CEP152: variants seen among roughly 807,000 people sequenced by gnomAD.
CEP152 encodes the protein centrosomal protein of 152 kDa.
In CEP152, 132 loss-of-function variants were observed where a neutral mutation model predicts 188.9. That is an observed-to-expected ratio of 0.70 (90% CI 0.61 to 0.81). CEP152 has a LOEUF of 0.81. Among genes scored for constraint, CEP152 ranks in the 30% least tolerant of loss-of-function variants. The pLI, the probability that CEP152 is intolerant of heterozygous loss-of-function variation, is 0.00. For synonymous variants in CEP152, 649 were observed against 666.6 expected (o/e 0.97, Z 0.41); for missense variants, 1,914 against 1,969.8 (o/e 0.97, Z 0.54).
rs781442104 is a variant in CEP152, at chr15:48,797,487, C to T, written c.354G>A (p.Val118=). The T allele has an allele frequency of 2.5e-6, 4 of 1,614,132 alleles. No homozygotes were observed. In the South Asian group the frequency reaches 4.4e-5, roughly 18 times the overall value. ...NRSKTEDRHP[V]YHPEEGGDEG... ...CATCTCCACCTTCTTCAGGATGGTA[C>T]ACAGGATGTCGGTCTTCAGTTTTAC... The change falls in exon 5 of 27, where the codon GTG becomes GTA. Residue 118 remains valine (V), a synonymous_variant. Transcript: ENST00000380950.
intron 2 of CEP152, among the ~76,000 whole-genome samples, chr15:48,804,448 A>C (rs1258175137): frequency 6.6e-6 from 1 of 152,240 alleles, no homozygotes. Context: ...ATTAAAAAAG[A>C]CTTTTTTACA....
downstream of CEP152, among the ~76,000 whole-genome samples, chr15:48,736,966 G>A (rs1214855522): frequency 2.6e-5 from 4 of 152,204 alleles, no homozygotes; most frequent in African/African-American, 9.6e-5. Context: ...AACTGTTGGA[G>A]AAGGAGCATT....
intron 9 of CEP152, among the ~76,000 whole-genome samples, chr15:48,788,465 C>G (rs1378844402): frequency 6.6e-6 from 1 of 151,058 alleles, no homozygotes; most frequent in African/African-American, 2.4e-5. Flanking sequence ...TCCCGAGTAG[C>G]TGGGATTACA....
intron 21 of CEP152, among the ~76,000 whole-genome samples, chr15:48,750,289 G>A (rs1893778850): frequency 6.6e-6 from 1 of 152,026 alleles, no homozygotes; most frequent in Admixed American, 6.6e-5. Context: ...AACAGACATT[G>A]TCATTAGTAA....
At chr15:48,809,905 C>T (rs1435593007) in intron 1 of CEP152, among the ~76,000 whole-genome samples, 11 of 152,198 alleles carry the variant, frequency 7.2e-5, no homozygotes, top group Non-Finnish European at 1.5e-4. Context: ...AATAATGCAA[C>T]CTCCTATGGA....
intron 12 of CEP152, among the ~76,000 whole-genome samples, chr15:48,775,832 AC>A: frequency 1.3e-5 from 2 of 152,226 alleles, no homozygotes; most frequent in East Asian, 3.9e-4. Flanking sequence ...TGATGACTGC[AC>A]AGTTCTGTGA....
At chr15:48,784,753 G>C (rs1395464369) in intron 9 of CEP152, among the ~76,000 whole-genome samples, 1 of 152,132 alleles carries the variant, frequency 6.6e-6, no homozygotes, top group African/African-American at 2.4e-5. Flanking sequence ...AGTGCTGTAA[G>C]AAACACTTGA....
intron 13 of CEP152, 114 bp downstream of exon 13, chr15:48,772,373 T>C (rs997556958): frequency 1.2e-6 from 1 of 855,328 alleles, no homozygotes; most frequent in African/African-American, 1.7e-5. Context: ...TTTCCACCAC[T>C]GCCCTCCAGC....
intron 1 of CEP152, among the ~76,000 whole-genome samples, chr15:48,807,410 T>G (rs752056862): frequency 6.6e-6 from 1 of 152,128 alleles, no homozygotes; most frequent in Non-Finnish European, 1.5e-5. Context: ...AATTAAATCC[T>G]ATGTCCTTAA....
intron 18 of CEP152, among the ~76,000 whole-genome samples, chr15:48,761,937 T>TA (rs1894718449): frequency 6.6e-6 from 1 of 152,204 alleles, no homozygotes; most frequent in Non-Finnish European, 1.5e-5. Flanking sequence ...GAATGATAGA[T>TA]AAAGTTCCAT....
At chr15:48,753,001 C>A (rs1595608843) in intron 20 of CEP152, among the ~76,000 whole-genome samples, 1 of 152,132 alleles carries the variant, frequency 6.6e-6, no homozygotes, top group Non-Finnish European at 1.5e-5. Flanking sequence ...CAGCTGAATG[C>A]CAAAGTTAAG....
rs1178507750 is a variant in CEP152, at chr15:48,797,677, T to A, written c.245A>T (p.Lys82Ile). ...EMSWNEQMLP[K>I]SQSVNGYNEI... is the part of the protein sequence containing the mutation. ...GATACTTACATTTACACTTTGAGAT[T>A]TGGGCAGCATTTGCTCATTCCAGCT... Residue 82 changes from lysine to isoleucine, a missense_variant, in exon 4 of 27, where the codon AAA becomes ATA. Transcript: ENST00000380950. 8.1e-6 allele frequency: 13 copies of A among 1,614,002 alleles called. No homozygotes were observed. The highest frequency in any genetic ancestry group is 1.6e-4 in the Middle Eastern group (1 of 6,084).
chr15:48,750,812 A>C (rs954855144), intron 21 of CEP152, among the ~76,000 whole-genome samples: 3 of 152,222 alleles, frequency 2.0e-5, no homozygotes, highest in Non-Finnish European at 2.9e-5. Flanking sequence ...GAGGGTACAT[A>C]CACATAATTA....
At chr15:48,747,186 G>A (rs1173402427) in intron 22 of CEP152, among the ~76,000 whole-genome samples, 3 of 152,186 alleles carry the variant, frequency 2.0e-5, no homozygotes, top group Non-Finnish European at 4.4e-5. Context: ...GATTAGAGGG[G>A]CTAGACTAGA....
chr15:48,731,028 A>G (rs1892404741), intron 2 of CEP152, among the ~76,000 whole-genome samples: 1 of 152,242 alleles, frequency 6.6e-6, no homozygotes, highest in Admixed American at 6.5e-5. Flanking sequence ...TGGATGTTGA[A>G]TAAAGACTAA....
intron 8 of CEP152, among the ~76,000 whole-genome samples, chr15:48,790,313 A>G (rs1896918486): frequency 6.6e-6 from 1 of 152,236 alleles, no homozygotes. Flanking sequence ...ACAAGTAAAC[A>G]AATGAGATCA....
At chr15:48,789,701 C>T (rs867861146) in intron 8 of CEP152, among the ~76,000 whole-genome samples, 1 of 152,196 alleles carries the variant, frequency 6.6e-6, no homozygotes, top group African/African-American at 2.4e-5. Flanking sequence ...ACCAGAGAGA[C>T]TCAATCAGCC....
chr15:48,742,220 A>T (rs1893030698), intron 24 of CEP152, 120 bp from the exon 25 acceptor site: 1 of 902,500 alleles, frequency 1.1e-6, no homozygotes, highest in African/African-American at 1.6e-5. Context: ...TATAGTTTAA[A>T]CATTATACTT....
At chr15:48,781,836 T>C (rs1308108768) in intron 11 of CEP152, among the ~76,000 whole-genome samples, 2 of 152,078 alleles carry the variant, frequency 1.3e-5, no homozygotes, top group Admixed American at 6.5e-5. Context: ...TGCAGCAAAA[T>C]TCAACATTCC....
Sources: gnomAD v4.1 joint callset for allele counts (sites outside exome capture counted in the v4.1 genomes callset) on GRCh38, gnomAD v4.1.1 for gene constraint, MANE v1.5 for transcripts, NCBI Gene and HGNC (gene_info 2026-07-23, HGNC 2026-07-21) for gene names.